The following SLC6A3 variants were observed in gnomAD, a reference collection of about 807,000 sequenced individuals.
SLC6A3 encodes the protein sodium-dependent dopamine transporter.
SLC6A3 carries 19 observed loss-of-function variants against 70.4 expected under a neutral mutation model. The ratio of observed to expected loss-of-function variants is 0.27; its 90% CI spans 0.19 to 0.40. The LOEUF is 0.40. Among genes scored for constraint, SLC6A3 ranks in the 10% least tolerant of loss-of-function variants. The pLI, the probability that SLC6A3 is intolerant of heterozygous loss-of-function variation, is 1.00. For synonymous variants in SLC6A3, 368 were observed against 356.6 expected, an observed-to-expected ratio of 1.03 and a Z score of -0.36; for missense variants, 613 against 838.5, an observed-to-expected ratio of 0.73 and a Z score of 3.32.
chr5:1,400,862 T>A (rs914591696), intron 14 of SLC6A3, 53 bp downstream of exon 14: 2 of 1,373,116 alleles, frequency 1.5e-6, no homozygotes, highest in Middle Eastern at 1.8e-4. Flanking sequence ...ACACTGAGCT[T>A]GGGATCATTC....
chr5:1,410,750 G>A (rs1046204239), intron 9 of SLC6A3, among the ~76,000 whole-genome samples: 3 of 152,202 alleles, frequency 2.0e-5, no homozygotes, highest in Admixed American at 6.5e-5. Flanking sequence ...TCTGGTGTCC[G>A]GAGCCAAGTC....
rs573528512 is a variant in SLC6A3 at position 1,442,652 on chromosome 5, G to A, written c.286+260C>T. On this transcript the variant is annotated intron_variant, in intron 2 of 14. Coordinates refer to ENST00000270349, the MANE Select transcript of SLC6A3 (RefSeq NM_001044.5). The surrounding 1 kb of genome is among the most constrained non-coding windows in gnomAD (Gnocchi z 5.0). ...GCAGAGCCAAGCTGCCCCGTCTGCCGCCCCCCACCCCCCAGCTTCTTCGCG... is the reference window on the plus strand; with the variant it reads ...GCAGAGCCAAGCTGCCCCGTCTGCCACCCCCCACCCCCCAGCTTCTTCGCG... Among the ~76,000 whole-genome samples, 2 of 151,736 alleles carry A rather than the reference G, an allele frequency of 1.3e-5. No individual in the cohort carries two copies. Among genetic ancestry groups the A allele is most frequent in the East Asian group, 2.0e-4 (1 of 5,122 alleles).
intron 12 of SLC6A3, among the ~76,000 whole-genome samples, chr5:1,403,448 C>T (rs1364650774): frequency 1.4e-5 from 2 of 143,028 alleles, no homozygotes; most frequent in African/African-American, 2.6e-5. Flanking sequence ...CTGTTCTATC[C>T]CCTCTCCACC....
intron 14 of SLC6A3, among the ~76,000 whole-genome samples, chr5:1,395,613 G>A (rs913814404): frequency 1.8e-4 from 28 of 152,190 alleles, no homozygotes; most frequent in African/African-American, 6.3e-4. Context: ...AGCTGATGCC[G>A]GCACAGGCAG....
rs1255447387 is a variant in SLC6A3 at position 1,443,055 on chromosome 5, G to C, written c.143C>G (p.Thr48Ser). 28 of 1,614,126 alleles carry C rather than the reference G, an allele frequency of 1.7e-5. No individual in the cohort carries two copies. Among genetic ancestry groups the C allele is most frequent in the Non-Finnish European group, 2.1e-5 (25 of 1,180,052 alleles). The change falls in exon 2 of 15, where the codon ACC becomes AGC. Residue 48 changes from threonine (T) to serine (S), a missense_variant. Physicochemically the swap from Thr to Ser is moderately conservative, Grantham distance 58. Around this residue, in one of 4 missense-constraint regions of SLC6A3, gnomAD observed 111 missense variants for 91.6 expected, o/e 1.21. Coordinates refer to ENST00000270349, the MANE Select transcript of SLC6A3 (RefSeq NM_001044.5). ...NGVQLTSSTL[T>S]NPRQSPVEAQ... is the part of the protein sequence containing the mutation. ...CTCCACGGGGCTCTGCCGCGGGTTGGTGAGGGTGGAGCTGGTGAGCTGCAC... is the reference window on the plus strand; with the variant it reads ...CTCCACGGGGCTCTGCCGCGGGTTGCTGAGGGTGGAGCTGGTGAGCTGCAC...
chr5:1,441,763 A>G (rs376146828), intron 2 of SLC6A3, among the ~76,000 whole-genome samples: 2 of 152,090 alleles, frequency 1.3e-5, no homozygotes, highest in East Asian at 1.9e-4. Context: ...GGCCCTGCCC[A>G]TGCTCAGCGG....
rs1755873180 is a variant in SLC6A3 at position 1,402,516 on chromosome 5, T to C, written c.1767+406A>G. ...CCACCACACCACATACCATAGTGTG[T>C]AGGCATGCATGCACTCAGTACACAC... is the stretch of plus-strand genomic sequence containing the variant. On this transcript the variant is annotated intron_variant, in intron 13 of 14. Transcript: ENST00000270349. This position sits in a 1 kb window ranked among gnomAD's most constrained non-coding sequence, Gnocchi z 8.5. Among the ~76,000 whole-genome samples the C allele has an allele frequency of 6.6e-6, 1 of 152,018 alleles. No individual in the cohort carries two copies. The highest frequency in any genetic ancestry group is 1.5e-5 in the Non-Finnish European group (1 of 68,022).
chr5:1,441,590 G>T (rs929959529), intron 2 of SLC6A3, 100 bp from the exon 3 acceptor site: 1 of 1,392,328 alleles, frequency 7.2e-7, no homozygotes, highest in African/African-American at 1.4e-5. Context: ...CCATGTCCTG[G>T]CCCGACCGTT....
rs949037619 is a variant in SLC6A3 at position 1,414,540 on chromosome 5, A to G, written c.1156+151T>C. 8 of 917,062 alleles carry G rather than the reference A, an allele frequency of 8.7e-6. 1 individual carries two copies. The highest frequency in any genetic ancestry group is 2.7e-5 in the East Asian group (1 of 37,092). 56.8% of individuals were successfully genotyped at this position (917,062 alleles called of 1,614,324 possible). ...GGGGCAGGTCTGTACTGGGATGTGT[A>G]CCACCATCCTTCAAGAGTGAGGCAG... On this transcript the variant is annotated intron_variant, in intron 8 of 14. Coordinates refer to ENST00000270349, the MANE Select transcript of SLC6A3 (RefSeq NM_001044.5).
Position 1,408,203 on chromosome 5 carries a change from A to AT in SLC6A3, c.1498+822dup, listed in dbSNP as rs760385170. On this transcript the variant is annotated intron_variant, in intron 11 of 14. Transcript: ENST00000270349. The surrounding 1 kb of genome is among the most constrained non-coding windows in gnomAD (Gnocchi z 6.4). ...AGCCTTGTGCCACCACACCCGGCTA[A>AT]TTTTTTTTTTTTTTTTTTTTAGTAA... Among the ~76,000 whole-genome samples the AT allele has an allele frequency of 6.7e-3, 885 of 131,540 alleles. 10 individuals carry two copies. Among genetic ancestry groups the AT allele is most frequent in the South Asian group, 0.052 (213 of 4,090 alleles). 86.3% of individuals were successfully genotyped at this position (131,540 alleles called of 152,430 possible).
At position 1,393,276 on chromosome 5, in the gene SLC6A3, C is replaced by G. The variant is rs1011056109; in HGVS notation, c.*1459G>C. 1 of 152,282 alleles carries G rather than the reference C, an allele frequency of 6.6e-6. No individual in the cohort carries two copies. The highest frequency in any genetic ancestry group is 1.5e-5 in the Non-Finnish European group (1 of 68,054). The allele number at this position is 152,282 out of a possible 1,614,324, so 9.4% of individuals were successfully genotyped here. A position where few individuals can be genotyped will look rare whatever the true frequency, so the allele number is the denominator to read the frequency against. On this transcript the variant is annotated 3_prime_UTR_variant, in exon 15 of 15. Transcript: ENST00000270349. The stretch of plus-strand genomic sequence containing the variant: ...AGGCATGAATTCAAACTATGGCATC[C>G]ACTTTCCTGTCAGTGGCAGAGGGCA...
In SLC6A3 at chr5:1,432,459, C is replaced by T. The variant is rs1756726188; in HGVS notation, c.653+5G>A. ...CCCGTTCCCGAGGACCCGACTCCCA[C>T]TTACTCAAAGTACTCGGCAGCAGGT... On this transcript the variant is annotated splice_donor_5th_base_variant and intron_variant, in intron 4 of 14. Coordinates refer to ENST00000270349, the MANE Select transcript of SLC6A3 (RefSeq NM_001044.5). 6.2e-7 allele frequency: 1 copy of T among 1,611,208 alleles called. No homozygotes were observed. Among genetic ancestry groups the T allele is most frequent in the Non-Finnish European group, 8.5e-7 (1 of 1,177,342 alleles).
intron 4 of SLC6A3, among the ~76,000 whole-genome samples, chr5:1,424,975 T>C (rs779032781): frequency 6.6e-5 from 10 of 152,226 alleles, no homozygotes; most frequent in Non-Finnish European, 1.3e-4. Context: ...TCCATGCTTC[T>C]GAGGGCAGGG....
At chr5:1,434,498 G>T (rs1756783564) in intron 3 of SLC6A3, among the ~76,000 whole-genome samples, 1 of 152,238 alleles carries the variant, frequency 6.6e-6, no homozygotes, top group South Asian at 2.1e-4. Context: ...TCTTTGGAGT[G>T]GTGTCAGCCT....
At chr5:1,441,905 A>T (rs1445432763) in intron 2 of SLC6A3, among the ~76,000 whole-genome samples, 1 of 152,022 alleles carries the variant, frequency 6.6e-6, no homozygotes, top group Non-Finnish European at 1.5e-5. Flanking sequence ...CCCTGAGCTG[A>T]GTGGGCCCTG....
At chr5:1,428,687 G>T (rs1250264869) in intron 4 of SLC6A3, among the ~76,000 whole-genome samples, 1 of 152,140 alleles carries the variant, frequency 6.6e-6, no homozygotes. Context: ...CACAGGATAC[G>T]TTTCATTTGC....
rs921654582 is a variant in SLC6A3 at position 1,397,005 on chromosome 5, G to A, written c.1840-2247C>T. 9.9e-5 allele frequency among the ~76,000 whole-genome samples: 15 copies of A among 152,236 alleles called. No homozygotes were observed. Among genetic ancestry groups the A allele is most frequent in the East Asian group, 1.9e-4 (1 of 5,186 alleles). On this transcript the variant is annotated intron_variant, in intron 14 of 14. Coordinates refer to ENST00000270349, the MANE Select transcript of SLC6A3 (RefSeq NM_001044.5). The surrounding 1 kb of genome is among the most constrained non-coding windows in gnomAD (Gnocchi z 4.7). ...GGGCTCACAAGGGTCTGTTTGTTAC[G>A]GTGACAAATTAATAATTTAAAAATG...
intron 1 of SLC6A3, among the ~76,000 whole-genome samples, chr5:1,444,421 C>T (rs183613313): frequency 2.0e-4 from 30 of 152,172 alleles, no homozygotes; most frequent in African/African-American, 7.0e-4. Context: ...CACAGGCGAG[C>T]ACATACACTT....
In SLC6A3 at chr5:1,421,265, C is replaced by T. The variant is rs370581266; in HGVS notation, c.793-562G>A. Among the ~76,000 whole-genome samples the T allele has an allele frequency of 8.6e-5, 13 of 151,796 alleles. No individual in the cohort carries two copies. The highest frequency in any genetic ancestry group is 2.9e-4 in the African/African-American group (12 of 41,338). Reference sequence around the variant, plus strand: ...TGATCTTGGCTCACTGCAACCTCCGCCTCCTGGGTTCAAGCAATTCTCCTG... The same window carrying T: ...TGATCTTGGCTCACTGCAACCTCCGTCTCCTGGGTTCAAGCAATTCTCCTG... On this transcript the variant is annotated intron_variant, in intron 5 of 14. Transcript: ENST00000270349. The surrounding 1 kb of genome is among the most constrained non-coding windows in gnomAD (Gnocchi z 7.2).
Sources: gnomAD v4.1 joint callset for allele counts (sites outside exome capture counted in the v4.1 genomes callset) on GRCh38, gnomAD v4.1.1 for gene constraint, gnomAD v4.1.1 regional missense constraint, Gnocchi (gnomAD v3.1) non-coding constraint, MANE v1.5 for transcripts, NCBI Gene and HGNC (gene_info 2026-07-23, HGNC 2026-07-21) for gene names.